The following LEKR1 variants were observed in gnomAD, a reference collection of about 807,000 sequenced individuals.
The protein encoded by LEKR1 is leucine, glutamate and lysine rich 1.
A neutral mutation model predicts 72.4 loss-of-function variants in LEKR1; 59 were observed. The ratio of observed to expected loss-of-function variants is 0.82; its 90% CI spans 0.66 to 1.01. The LOEUF (loss-of-function observed/expected upper bound fraction) is 1.01. Among genes scored for constraint, LEKR1 ranks in the 50% least tolerant of loss-of-function variants. LEKR1 has a pLI of 0.00. For synonymous variants in LEKR1, 257 were observed against 263.2 expected, an observed-to-expected ratio of 0.98 and a Z score of 0.23; for missense variants, 728 against 759.2, an observed-to-expected ratio of 0.96 and a Z score of 0.48.
chr3:156,910,330 T>C (rs1353068005), intron 3 of LEKR1, among the ~76,000 whole-genome samples: 1 of 152,194 alleles, frequency 6.6e-6, no homozygotes, highest in Non-Finnish European at 1.5e-5. Flanking sequence ...TATTGTCCCA[T>C]GCATATTTAG....
At chr3:156,843,771 G>A (rs1714231219) in intron 2 of LEKR1, among the ~76,000 whole-genome samples, 1 of 151,964 alleles carries the variant, frequency 6.6e-6, no homozygotes, top group Admixed American at 6.6e-5. Flanking sequence ...TGGAAGAAAA[G>A]GAAAAAGAAA....
At chr3:156,993,757 G>C (rs533175375) in intron 9 of LEKR1, among the ~76,000 whole-genome samples, 1 of 152,226 alleles carries the variant, frequency 6.6e-6, no homozygotes, top group African/African-American at 2.4e-5. Context: ...AGGTGGTATC[G>C]AGGATACTAA....
intron 6 of LEKR1, among the ~76,000 whole-genome samples, chr3:156,971,116 A>G (rs1560116771): frequency 1.3e-5 from 2 of 152,250 alleles, no homozygotes; most frequent in Non-Finnish European, 2.9e-5. Flanking sequence ...TAAACAAAAC[A>G]GCATGGTACT....
Position 156,993,120 on chromosome 3 carries a change from C to A in LEKR1, c.952C>A (p.Gln318Lys). Residue 318 changes from glutamine to lysine, a missense_variant, in exon 9 of 13, where the codon CAA becomes AAA. Coordinates refer to ENST00000356539, the MANE Select transcript of LEKR1 (RefSeq NM_001004316.3). ...AAAAGAAGACTCTTTAATGACTTGT[C>A]AACAGATATATAAAGCATTACAGGA... ...KEKEDSLMTCQQIYKALQEEL... is the reference protein window; with the variant it reads ...KEKEDSLMTCKQIYKALQEEL... 6.2e-7 allele frequency: 1 copy of A among 1,610,572 alleles called. No individual in the cohort carries two copies. The highest frequency in any genetic ancestry group is 1.1e-5 in the South Asian group (1 of 90,672).
chr3:156,960,922 G>A (rs1364069079), intron 6 of LEKR1, among the ~76,000 whole-genome samples: 1 of 152,110 alleles, frequency 6.6e-6, no homozygotes, highest in Non-Finnish European at 1.5e-5. Context: ...CTTCCAAAAT[G>A]CACAATTTAT....
intron 3 of LEKR1, among the ~76,000 whole-genome samples, chr3:156,876,467 G>C (rs1718596415): frequency 6.6e-6 from 1 of 152,128 alleles, no homozygotes; most frequent in Admixed American, 6.5e-5. Flanking sequence ...AGCATTGGGT[G>C]TGTTTCCATT....
intron 6 of LEKR1, among the ~76,000 whole-genome samples, chr3:156,944,744 G>A (rs986637297): frequency 6.6e-6 from 1 of 151,648 alleles, no homozygotes; most frequent in African/African-American, 2.4e-5. Flanking sequence ...GCAAATGATT[G>A]TATCTCATTC....
chr3:156,894,142 G>C (rs1051564383), intron 3 of LEKR1, among the ~76,000 whole-genome samples: 6 of 152,198 alleles, frequency 3.9e-5, no homozygotes, highest in African/African-American at 1.4e-4. Context: ...TCCTCTGAAA[G>C]GGATAGCTCC....
rs183358525 is a variant in LEKR1, at chr3:156,889,339, T to C, written c.264-31236T>C. ...CCAGCAGCAACCACCCTGTACCTCT[T>C]TTTTTCTCTAATGCCTTTCTTTTGC... On this transcript the variant is annotated intron_variant, in intron 3 of 12. Transcript: ENST00000356539. 4.6e-3 allele frequency among the ~76,000 whole-genome samples: 695 copies of C among 152,050 alleles called. 2 individuals carry two copies. Among genetic ancestry groups the C allele is most frequent in the Non-Finnish European group, 7.1e-3 (481 of 67,958 alleles).
At chr3:156,868,359 G>T (rs1285107720) in intron 3 of LEKR1, among the ~76,000 whole-genome samples, 3 of 151,924 alleles carry the variant, frequency 2.0e-5, no homozygotes, top group South Asian at 2.1e-4. Flanking sequence ...GAATTTTTCT[G>T]TATTGAGTTT....
At chr3:156,955,813 G>T (rs4680320) in intron 6 of LEKR1, among the ~76,000 whole-genome samples, 75,473 of 149,732 alleles carry the variant, frequency 0.5, 20,581 homozygotes, top group East Asian at 0.72. Context: ...TTTTCTTTTT[G>T]TTGTTGTTGT....
At chr3:156,960,031 G>A (rs948111238) in intron 6 of LEKR1, among the ~76,000 whole-genome samples, 2 of 151,980 alleles carry the variant, frequency 1.3e-5, no homozygotes, top group African/African-American at 4.8e-5. Flanking sequence ...TCACACATTA[G>A]GCAGGTGACT....
chr3:156,841,020 TCAGG>T (rs1316419418), intron 2 of LEKR1, among the ~76,000 whole-genome samples: 4 of 152,186 alleles, frequency 2.6e-5, no homozygotes, highest in African/African-American at 9.7e-5. Context: ...TAATCACCTC[TCAGG>T]CAGAGGATGT....
intron 2 of LEKR1, among the ~76,000 whole-genome samples, chr3:156,843,875 A>C (rs1283188893): frequency 6.6e-6 from 1 of 151,854 alleles, no homozygotes; most frequent in Non-Finnish European, 1.5e-5. Context: ...TTTTTAAGCA[A>C]TTGTAGTTTT....
At chr3:156,872,582 TA>T (rs1318777056) in intron 3 of LEKR1, among the ~76,000 whole-genome samples, 2 of 152,190 alleles carry the variant, frequency 1.3e-5, no homozygotes, top group East Asian at 3.9e-4. Flanking sequence ...TGTTTATTGC[TA>T]AAAGCTTCCC....
chr3:156,999,561 G>A (rs1333683702), intron 9 of LEKR1, among the ~76,000 whole-genome samples: 1 of 152,174 alleles, frequency 6.6e-6, no homozygotes, highest in East Asian at 1.9e-4. Context: ...ATTTTGTGAG[G>A]CTCAGTGGAA....
intron 3 of LEKR1, among the ~76,000 whole-genome samples, chr3:156,856,408 G>T (rs573804417): frequency 1.1e-4 from 16 of 152,198 alleles, no homozygotes; most frequent in African/African-American, 3.8e-4. Context: ...TGCCTTTCAG[G>T]TTACCCTGGC....
At chr3:156,945,771 AT>A (rs1238380593) in intron 6 of LEKR1, among the ~76,000 whole-genome samples, 1 of 151,188 alleles carries the variant, frequency 6.6e-6, no homozygotes, top group Non-Finnish European at 1.5e-5. Flanking sequence ...GATGCATGAA[AT>A]TGTTTGTATG....
intron 7 of LEKR1, among the ~76,000 whole-genome samples, chr3:156,982,402 A>G (rs1730280496): frequency 6.6e-6 from 1 of 152,138 alleles, no homozygotes; most frequent in Non-Finnish European, 1.5e-5. Context: ...GTGTCTTTTT[A>G]GAAGTGAGAA....
Sources: allele counts gnomAD v4.1 joint callset (sites outside exome capture counted in the v4.1 genomes callset), GRCh38; gene constraint gnomAD v4.1.1; transcripts MANE v1.5; gene names NCBI Gene and HGNC (gene_info 2026-07-23, HGNC 2026-07-21).